Variants in CLSTN2 observed in about 807,000 individuals in gnomAD.
CLSTN2 encodes the protein calsyntenin-2.
In CLSTN2, 48 loss-of-function variants were observed where a neutral mutation model predicts 101.2. That is an observed-to-expected ratio of 0.47 (90% CI 0.38 to 0.60). The LOEUF (loss-of-function observed/expected upper bound fraction) is 0.60. Among genes scored for constraint, CLSTN2 ranks in the 20% least tolerant of loss-of-function variants. The pLI, the probability that CLSTN2 is intolerant of heterozygous loss-of-function variation, is 0.00. For synonymous variants in CLSTN2, 481 were observed against 463.6 expected, an observed-to-expected ratio of 1.04 and a Z score of -0.48; for missense variants, 1,160 against 1,238.2, an observed-to-expected ratio of 0.94 and a Z score of 0.95.
At chr3:140,565,745 C>G (rs1258419414) in intron 16 of CLSTN2, among the ~76,000 whole-genome samples, 2 of 152,194 alleles carry the variant, frequency 1.3e-5, no homozygotes, top group African/African-American at 4.8e-5. Context: ...AAGCCTTGGC[C>G]TGAAAGGTTC....
chr3:140,138,216 CT>C (rs1421730339), intron 1 of CLSTN2, among the ~76,000 whole-genome samples: 1 of 152,194 alleles, frequency 6.6e-6, no homozygotes, highest in African/African-American at 2.4e-5. Context: ...CAGATTTCTC[CT>C]GTGGCTCATG....
chr3:140,233,579 T>A (rs947032752), intron 2 of CLSTN2, among the ~76,000 whole-genome samples: 1 of 152,212 alleles, frequency 6.6e-6, no homozygotes, highest in Non-Finnish European at 1.5e-5. Context: ...TTAGATGACA[T>A]TTTCTTCTAC....
chr3:140,172,457 G>T (rs562097114), intron 1 of CLSTN2, among the ~76,000 whole-genome samples: 1 of 152,090 alleles, frequency 6.6e-6, no homozygotes, highest in Non-Finnish European at 1.5e-5. Flanking sequence ...CAAGAACTGG[G>T]TTCTCACCAG....
intron 1 of CLSTN2, among the ~76,000 whole-genome samples, chr3:140,119,057 C>G (rs750098323): frequency 6.6e-6 from 1 of 152,206 alleles, no homozygotes; most frequent in Non-Finnish European, 1.5e-5. Context: ...GAGGAATTAG[C>G]TCCCCACTAA....
chr3:140,175,859 T>C, intron 1 of CLSTN2, 92 bp from the exon 2 acceptor site: 7 of 1,252,936 alleles, frequency 5.6e-6, no homozygotes, highest in Non-Finnish European at 7.8e-6. Context: ...TGAGAGTCTA[T>C]GATTGGGCAA....
At chr3:140,420,051 C>A (rs1256623190) in intron 4 of CLSTN2, among the ~76,000 whole-genome samples, 8 of 150,532 alleles carry the variant, frequency 5.3e-5, no homozygotes, top group Admixed American at 5.3e-4. Context: ...TACCATCACA[C>A]CTGGTTAATT....
chr3:140,009,655 G>A (rs1305889874), intron 1 of CLSTN2, among the ~76,000 whole-genome samples: 1 of 152,042 alleles, frequency 6.6e-6, no homozygotes, highest in Non-Finnish European at 1.5e-5. Flanking sequence ...GTTTATATTG[G>A]CATGTCTTAT....
intron 4 of CLSTN2, among the ~76,000 whole-genome samples, chr3:140,411,426 A>G (rs2088361445): frequency 6.6e-6 from 1 of 152,268 alleles, no homozygotes; most frequent in Non-Finnish European, 1.5e-5. Flanking sequence ...TAAATATATA[A>G]AGTAAATATG....
At chr3:140,386,440 A>G (rs1245821430) in intron 2 of CLSTN2, among the ~76,000 whole-genome samples, 3 of 152,180 alleles carry the variant, frequency 2.0e-5, no homozygotes, top group Admixed American at 6.5e-5. Context: ...CTGTAAGCAG[A>G]TGAAATGTAG....
chr3:140,414,222 A>G (rs1337670843), intron 4 of CLSTN2, among the ~76,000 whole-genome samples: 1 of 152,154 alleles, frequency 6.6e-6, no homozygotes. Flanking sequence ...AGCAACACAC[A>G]AAAATTATTT....
intron 1 of CLSTN2, among the ~76,000 whole-genome samples, chr3:140,121,825 C>G (rs1378837150): frequency 6.6e-6 from 1 of 152,156 alleles, no homozygotes; most frequent in African/African-American, 2.4e-5. Flanking sequence ...CTGAAGACAA[C>G]CTCTGTCTTT....
At chr3:140,384,058 A>G (rs1410631551) in intron 2 of CLSTN2, among the ~76,000 whole-genome samples, 2 of 152,222 alleles carry the variant, frequency 1.3e-5, no homozygotes, top group African/African-American at 4.8e-5. Context: ...ATTTACTGTA[A>G]ACTTGGAAGC....
intron 1 of CLSTN2, among the ~76,000 whole-genome samples, chr3:139,989,236 T>C (rs889300613): frequency 3.9e-5 from 6 of 152,126 alleles, no homozygotes; most frequent in African/African-American, 1.2e-4. Flanking sequence ...TGCAAAGCCT[T>C]GAGGACACTT....
At chr3:140,046,383 C>T (rs1260021721) in intron 1 of CLSTN2, among the ~76,000 whole-genome samples, 1 of 152,122 alleles carries the variant, frequency 6.6e-6, no homozygotes, top group Non-Finnish European at 1.5e-5. Context: ...TTCCTCCATC[C>T]CTTTATTTTG....
chr3:140,457,162 C>A (rs748703779), intron 6 of CLSTN2, among the ~76,000 whole-genome samples: 3 of 152,224 alleles, frequency 2.0e-5, no homozygotes, highest in Non-Finnish European at 4.4e-5. Context: ...CACATGGTGG[C>A]AAAGCTGGCC....
At chr3:140,399,120 G>C (rs186523541) in intron 2 of CLSTN2, among the ~76,000 whole-genome samples, 154 of 152,330 alleles carry the variant, frequency 1.0e-3, no homozygotes, top group South Asian at 1.7e-3. Context: ...ATGCTCATCT[G>C]TGTGTTGTCC....
At chr3:139,976,383 C>G (rs1311975874) in intron 1 of CLSTN2, among the ~76,000 whole-genome samples, 1 of 152,236 alleles carries the variant, frequency 6.6e-6, no homozygotes, top group East Asian at 1.9e-4. Flanking sequence ...GAAGCAGCAT[C>G]TGTGTGCAAG....
At chr3:140,450,641 G>T (rs529140897) in intron 6 of CLSTN2, among the ~76,000 whole-genome samples, 4 of 152,202 alleles carry the variant, frequency 2.6e-5, no homozygotes, top group Admixed American at 2.6e-4. Flanking sequence ...AGTCTAGCCT[G>T]CCTTCCCCCA....
chr3:139,966,682 G>A (rs947513755), intron 1 of CLSTN2, among the ~76,000 whole-genome samples: 4 of 152,128 alleles, frequency 2.6e-5, no homozygotes, highest in Admixed American at 6.5e-5. Context: ...ATTTATTTTT[G>A]TGTCTCCTTC....
Sources: allele counts gnomAD v4.1 joint callset (sites outside exome capture counted in the v4.1 genomes callset), GRCh38; gene constraint gnomAD v4.1.1; transcripts MANE v1.5; gene names NCBI Gene and HGNC (gene_info 2026-07-23, HGNC 2026-07-21).